UMOD: variants seen among roughly 807,000 people sequenced by gnomAD.
UMOD encodes uromodulin, also known as Tamm-Horsfall urinary glycoprotein.
A neutral mutation model predicts 66.0 loss-of-function variants in UMOD; 64 were observed. That is an observed-to-expected ratio of 0.97 (90% confidence interval 0.79 to 1.19). The LOEUF (loss-of-function observed/expected upper bound fraction) is 1.19. Ranked by LOEUF, UMOD falls within the 50% of genes most tolerant of loss-of-function variation. The pLI, the probability that UMOD is intolerant of heterozygous loss-of-function variation, is 0.00. For missense variants in UMOD, 764 were observed against 850.9 expected (o/e 0.90, Z 1.27); for synonymous variants, 398 against 352.7 (o/e 1.13, Z -1.44).
intron 3 of UMOD, 29 bp downstream of exon 3, chr16:20,348,407 A>T (rs1490659997): frequency 6.2e-6 from 10 of 1,613,948 alleles, no homozygotes; most frequent in Non-Finnish European, 8.5e-6. Context: ...CAGGCCTGGG[A>T]TGAGGACTGT....
At chr16:20,333,410 AC>A in intron 10 of UMOD, 35 bp from the exon 11 acceptor site, 1 of 1,590,266 alleles carries the variant, frequency 6.3e-7, no homozygotes. Context: ...AACTGCTAGT[AC>A]TGCTGTACTT....
In UMOD at chr16:20,349,128, C is replaced by A; in HGVS notation, c.173G>T (p.Gly58Val). The A allele has an allele frequency of 6.2e-7, 1 of 1,614,094 alleles. No individual in the cohort carries two copies. Among genetic ancestry groups the A allele is most frequent in the Non-Finnish European group, 8.5e-7 (1 of 1,180,014 alleles). ...TTCTCQEGFT[G>V]DGLTCVDLDE... ...CAGGTCCACGCAGGTCAGGCCATCGCCGGTGAAGCCCTCCTGACAGGTGCA... is the reference window on the plus strand; with the variant it reads ...CAGGTCCACGCAGGTCAGGCCATCGACGGTGAAGCCCTCCTGACAGGTGCA... The change falls in exon 3 of 11, where the codon GGC becomes GTC. Residue 58 changes from glycine to valine, a missense_variant. By Grantham distance (109) the Gly-to-Val change is moderately radical. Coordinates refer to ENST00000396138, the MANE Select transcript of UMOD (RefSeq NM_003361.4).
chr16:20,352,016 C>T (rs964435959), intron 1 of UMOD, among the ~76,000 whole-genome samples: 6 of 141,176 alleles, frequency 4.3e-5, no homozygotes, highest in South Asian at 2.5e-4. Context: ...TCCATCCCCC[C>T]CCCCCAAAAA....
At chr16:20,338,897 T>A (rs1210401347) in intron 7 of UMOD, among the ~76,000 whole-genome samples, 1 of 152,148 alleles carries the variant, frequency 6.6e-6, no homozygotes, top group Non-Finnish European at 1.5e-5. Context: ...GTAGCTGGGA[T>A]GACAGGCGCC....
Position 20,350,782 on chromosome 16 carries a change from C to A in UMOD, c.-45G>T. On this transcript the variant is annotated 5_prime_UTR_variant, in exon 2 of 11. Coordinates refer to ENST00000396138, the MANE Select transcript of UMOD (RefSeq NM_003361.4). ...ACTTCAGGTCTAGATAGCACCTGCC[C>A]AAAGGAAAGACGGGTTGGCCCTTTG... The A allele has an allele frequency of 6.2e-7, 1 of 1,613,522 alleles. No individual in the cohort carries two copies.
In UMOD at chr16:20,344,012, C is replaced by T; in HGVS notation, c.1331+12G>A. 1 of 1,613,360 alleles carries T rather than the reference C, an allele frequency of 6.2e-7. No individual in the cohort carries two copies. Among genetic ancestry groups the T allele is most frequent in the Non-Finnish European group, 8.5e-7 (1 of 1,180,000 alleles). On this transcript the variant is annotated intron_variant, in intron 6 of 10. Coordinates refer to ENST00000396138, the MANE Select transcript of UMOD (RefSeq NM_003361.4). ...ACCATCTAGGGGCCCTAGGGACCCT[C>T]TCTGGCCACACCTGACCATTGGCTG...
intron 2 of UMOD, chr16:20,349,781 G>A: frequency 1.3e-6 from 2 of 1,484,956 alleles, no homozygotes; most frequent in Admixed American, 2.0e-5. Flanking sequence ...TTCCCTGGCT[G>A]GTGAAATCTT....
chr16:20,335,616 GC>G, intron 9 of UMOD, 96 bp from the exon 10 acceptor site: 1 of 1,273,408 alleles, frequency 7.9e-7, no homozygotes, highest in Non-Finnish European at 1.1e-6. Context: ...TCACTTCGCA[GC>G]CAGACTGATC....
At chr16:20,352,613 T>C (rs1965952515) in intron 1 of UMOD, 76 bp downstream of exon 1, 4 of 1,165,036 alleles carry the variant, frequency 3.4e-6, no homozygotes, top group Admixed American at 4.2e-5. Context: ...TCCAAGGTCT[T>C]AATTTCCTCT....
In UMOD at chr16:20,345,002, A is replaced by G. The variant is rs889316474; in HGVS notation, c.1183-830T>C. On this transcript the variant is annotated intron_variant, in intron 5 of 10. Transcript: ENST00000396138. ...TCAAATGCCATCCTTGGAAAATGAC[A>G]TGAATTATTTCTTTTTGTTTGTTTG... 2.0e-5 allele frequency among the ~76,000 whole-genome samples: 3 copies of G among 152,316 alleles called. No homozygotes were observed. The South Asian group carries it at 6.2e-4, about 32-fold the overall frequency.
intron 10 of UMOD, 105 bp from the exon 11 acceptor site, chr16:20,333,480 C>T: frequency 5.9e-6 from 6 of 1,016,928 alleles, no homozygotes; most frequent in African/African-American, 1.6e-5. Context: ...AGGACACCCT[C>T]TCTGGGCTGC....
chr16:20,344,139 G>A lies in UMOD; in HGVS notation c.1216C>T (p.Leu406Phe). Residue 406 changes from leucine (L) to phenylalanine (F), a missense_variant, in exon 6 of 11, where the codon CTC becomes TTC. Transcript: ENST00000396138. ...ATGATGATCTCATCTGCCAGGTAGAGGGTGTTGCTGTAAGTGGCATGGGTT... is the reference window on the plus strand; with the variant it reads ...ATGATGATCTCATCTGCCAGGTAGAAGGTGTTGCTGTAAGTGGCATGGGTT... ...NETHATYSNTLYLADEIIIRD... is the reference protein window; with the variant it reads ...NETHATYSNTFYLADEIIIRD... 6.2e-7 allele frequency: 1 copy of A among 1,613,806 alleles called. No homozygotes were observed.
At chr16:20,342,121 G>T (rs1356460634) in intron 6 of UMOD, among the ~76,000 whole-genome samples, 1 of 152,214 alleles carries the variant, frequency 6.6e-6, no homozygotes, top group Admixed American at 6.5e-5. Flanking sequence ...TACGCAGGAG[G>T]ATCATTTGAG....
chr16:20,333,650 T>TG (rs1047610096), intron 10 of UMOD, among the ~76,000 whole-genome samples: 4 of 152,194 alleles, frequency 2.6e-5, no homozygotes, highest in Non-Finnish European at 4.4e-5. Flanking sequence ...TTAGAGACCT[T>TG]GGGGGATAGT....
chr16:20,347,082 G>A (rs114333799), intron 4 of UMOD, among the ~76,000 whole-genome samples: 4,810 of 152,228 alleles, frequency 0.032, 146 homozygotes, highest in African/African-American at 0.075. Flanking sequence ...GAATGCAGAG[G>A]TGCCATCTTG....
At position 20,341,114 on chromosome 16, in the gene UMOD, CA is replaced by C; in HGVS notation, c.1553del (p.Leu518ArgfsTer44). The C allele has an allele frequency of 1.2e-6, 2 of 1,613,926 alleles. No individual in the cohort carries two copies. The highest frequency in any genetic ancestry group is 2.2e-5 in the East Asian group (1 of 44,866). ...ATPSSNATDP[L>X]KYFIIQDRCP... ...ACCTGTCCTGGATGATGAAGTACTT[CA>C]GGGGGTCCGTGGCATTGCTACTGGG... On this transcript the variant is annotated frameshift_variant, in exon 7 of 11. Transcript: ENST00000396138. LOFTEE classifies it high-confidence loss of function.
At chr16:20,339,146 G>C (rs146641336) in intron 7 of UMOD, among the ~76,000 whole-genome samples, 264 of 152,338 alleles carry the variant, frequency 1.7e-3, no homozygotes, top group Non-Finnish European at 2.2e-3. Context: ...AACCCAGAGA[G>C]ATGAGCTAAC....
chr16:20,333,198 A>G lies in UMOD; in HGVS notation c.*116T>C. The stretch of plus-strand genomic sequence containing the variant: ...AGGATTAAAAGGGAGAAAAGAAGGC[A>G]GGCTGAACAAAGCATGAACTTTCTT... On this transcript the variant is annotated 3_prime_UTR_variant, in exon 11 of 11. Transcript: ENST00000396138. 1 of 1,057,128 alleles carries G rather than the reference A, an allele frequency of 9.5e-7. No individual in the cohort carries two copies. The allele number at this position is 1,057,128 out of a possible 1,614,324, so 65.5% of individuals were successfully genotyped here.
chr16:20,336,549 G>T, intron 9 of UMOD, 97 bp downstream of exon 9: 1 of 1,174,574 alleles, frequency 8.5e-7, no homozygotes, highest in Non-Finnish European at 1.3e-6. Context: ...GTTCTTCAGA[G>T]CTCAGTAAGG....
Sources: allele counts gnomAD v4.1 joint callset (sites outside exome capture counted in the v4.1 genomes callset), GRCh38; gene constraint gnomAD v4.1.1; transcripts MANE v1.5; gene names NCBI Gene and HGNC (gene_info 2026-07-23, HGNC 2026-07-21).